TRIM63: variants seen among roughly 807,000 people sequenced by gnomAD.
The protein encoded by TRIM63 is tripartite motif containing 63.
A neutral mutation model predicts 46.0 loss-of-function variants in TRIM63; 48 were observed. The observed-to-expected ratio is 1.04, with a 90% CI of 0.83 to 1.33. The LOEUF is 1.33. Ranked by LOEUF, TRIM63 falls within the 40% of genes most tolerant of loss-of-function variation. TRIM63 has a pLI of 0.00. For missense variants in TRIM63, 455 were observed against 441.2 expected (o/e 1.03, Z -0.28); for synonymous variants, 175 against 162.8 (o/e 1.08, Z -0.57).
In TRIM63 at chr1:26,067,326, C is replaced by A. The variant is rs200277313; in HGVS notation, c.159+10G>T. The A allele has an allele frequency of 1.4e-5, 22 of 1,613,112 alleles. No homozygotes were observed. The highest frequency in any genetic ancestry group is 1.8e-5 in the Non-Finnish European group (21 of 1,179,894). ...TGGGGACCCCAAATGAAGCTGCACC[C>A]GGCACTTACCTGGAAGATGTCATTG... is the stretch of plus-strand genomic sequence containing the variant. On this transcript the variant is annotated intron_variant, in intron 1 of 8. Coordinates refer to ENST00000374272, the MANE Select transcript of TRIM63 (RefSeq NM_032588.4).
At chr1:26,060,648 C>CA (rs377704514) in intron 3 of TRIM63, among the ~76,000 whole-genome samples, 6 of 151,804 alleles carry the variant, frequency 4.0e-5, no homozygotes, top group African/African-American at 9.7e-5. Context: ...AAAGAAGGGA[C>CA]AAAAAAAGAA....
In TRIM63 at chr1:26,067,389, T is replaced by C. The variant is rs1440802609; in HGVS notation, c.106A>G (p.Ile36Val). ...CACAGGTTGTGCTGGCACGGCAAGATGACCACTGGCTTGGTAAACATCTCC... is the reference window on the plus strand; with the variant it reads ...CACAGGTTGTGCTGGCACGGCAAGACGACCACTGGCTTGGTAAACATCTCC... The part of the protein sequence containing the change: ...CLEMFTKPVV[I>V]LPCQHNLCRK... The change falls in exon 1 of 9, where the codon ATC (isoleucine) becomes GTC (valine). Residue 36 changes from isoleucine (I) to valine (V), a missense_variant. By Grantham distance (29) the Ile-to-Val change is conservative (BLOSUM62 3). Coordinates refer to ENST00000374272, the MANE Select transcript of TRIM63 (RefSeq NM_032588.4). 6.2e-7 allele frequency: 1 copy of C among 1,614,200 alleles called. No individual in the cohort carries two copies.
intron 8 of TRIM63, among the ~76,000 whole-genome samples, chr1:26,052,543 C>A (rs1209597754): frequency 6.6e-6 from 1 of 152,146 alleles, no homozygotes; most frequent in African/African-American, 2.4e-5. Flanking sequence ...CGGCTCACTG[C>A]AAGCTCCGCC....
intron 8 of TRIM63, 68 bp downstream of exon 8, chr1:26,053,825 A>G: frequency 8.3e-7 from 1 of 1,200,840 alleles, no homozygotes; most frequent in Non-Finnish European, 1.2e-6. Context: ...CTTCACATAC[A>G]GTAGGCACCT....
At position 26,053,943 on chromosome 1, in the gene TRIM63, A is replaced by G; in HGVS notation, c.1001T>C (p.Ile334Thr). ...FGTDEEEEEF[I>T]EEEDQEEEES... ...TTCCTCTTCCTGATCTTCTTCTTCA[A>G]TGAATTCTTCCTCTTCCTCATCTGT... The change falls in exon 8 of 9, where the codon ATT becomes ACT. Residue 334 changes from isoleucine to threonine, a missense_variant. Ile to Thr is a moderately conservative substitution (Grantham distance 89, BLOSUM62 -1). Coordinates refer to ENST00000374272, the MANE Select transcript of TRIM63 (RefSeq NM_032588.4). 6.3e-7 allele frequency: 1 copy of G among 1,591,764 alleles called. No individual in the cohort carries two copies. Among genetic ancestry groups the G allele is most frequent in the African/African-American group, 1.4e-5 (1 of 73,336 alleles).
At chr1:26,066,624 A>G (rs376495274) in intron 1 of TRIM63, among the ~76,000 whole-genome samples, 184 bp from the exon 2 acceptor site, 54 of 152,310 alleles carry the variant, frequency 3.5e-4, no homozygotes, top group African/African-American at 1.2e-3. Context: ...CAGCTAAGCA[A>G]TCGTCAGGAT....
chr1:26,065,896 C>T (rs1199979292), intron 2 of TRIM63, among the ~76,000 whole-genome samples: 2 of 152,212 alleles, frequency 1.3e-5, no homozygotes, highest in Non-Finnish European at 2.9e-5. Flanking sequence ...TCATGGCACA[C>T]GGGAGAGTAG....
rs2050522737 is a variant in TRIM63, at chr1:26,051,537, C to T, written c.*336G>A. 1 of 203,144 alleles carries T rather than the reference C, an allele frequency of 4.9e-6. No homozygotes were observed. The highest frequency in any genetic ancestry group is 9.9e-6 in the Non-Finnish European group (1 of 101,240). 12.6% of individuals were successfully genotyped at this position (203,144 alleles called of 1,614,324 possible). A position where few individuals can be genotyped will look rare whatever the true frequency, so the allele number is the denominator to read the frequency against. ...GACCAGGCATTATTATACAAAAGTT[C>T]CTTTACAAAAAGCACCAAATTGGCA... On this transcript the variant is annotated 3_prime_UTR_variant, in exon 9 of 9. Transcript: ENST00000374272.
intron 2 of TRIM63, among the ~76,000 whole-genome samples, chr1:26,062,336 A>G (rs999364871): frequency 4.6e-5 from 7 of 152,200 alleles, no homozygotes; most frequent in African/African-American, 1.4e-4. Context: ...AATCAATAAT[A>G]TTCACCATCT....
At position 26,061,310 on chromosome 1, in the gene TRIM63, G is replaced by T. The variant is rs778230726; in HGVS notation, c.357C>A (p.His119Gln). ...CATCTTCGTGCTCCTTGCACATGGGGTGACTGCCCTTCTGCAGCGGCCGAC... is the reference window on the plus strand; with the variant it reads ...CATCTTCGTGCTCCTTGCACATGGGTTGACTGCCCTTCTGCAGCGGCCGAC... The part of the protein sequence containing the change: ...CSSRPLQKGS[H>Q]PMCKEHEDEK... The change falls in exon 3 of 9, where the codon CAC becomes CAA. Residue 119 changes from histidine to glutamine, a missense_variant. Coordinates refer to ENST00000374272, the MANE Select transcript of TRIM63 (RefSeq NM_032588.4). The T allele has an allele frequency of 6.8e-6, 11 of 1,614,044 alleles. No individual in the cohort carries two copies. In the East Asian group the frequency reaches 1.3e-4, roughly 20 times the overall value.
rs145057954 is a variant in TRIM63 at position 26,060,277 on chromosome 1, G to C, written c.586C>G (p.Arg196Gly). Residue 196 changes from arginine (R) to glycine (G), a missense_variant, in exon 4 of 9, where the codon CGA (arginine) becomes GGA (glycine). Transcript: ENST00000374272. Reference sequence around the variant, plus strand: ...TTCTGTCCGCTCACCTTGGTCACTCGACGGGAATCCTCCAGCTGAGTGATG... The same window carrying C: ...TTCTGTCCGCTCACCTTGGTCACTCCACGGGAATCCTCCAGCTGAGTGATG... The part of the protein sequence containing the change: ...TIITQLEDSR[R>G]VTKENSHQVK... 4 of 1,613,576 alleles carry C rather than the reference G, an allele frequency of 2.5e-6. No individual in the cohort carries two copies. Among genetic ancestry groups the C allele is most frequent in the African/African-American group, 1.3e-5 (1 of 74,898 alleles).
chr1:26,066,991 C>T (rs978413328), intron 1 of TRIM63, among the ~76,000 whole-genome samples: 3 of 152,128 alleles, frequency 2.0e-5, no homozygotes, highest in African/African-American at 7.2e-5. Context: ...GCCACCAGGA[C>T]CTGGCTCCAG....
rs967677660 is a variant in TRIM63, at chr1:26,067,624, G to A, written c.-130C>T. On this transcript the variant is annotated 5_prime_UTR_variant, in exon 1 of 9. Coordinates refer to ENST00000374272, the MANE Select transcript of TRIM63 (RefSeq NM_032588.4). ...TGTTGGCTTCCTTCTCCTGGTGCCC[G>A]AATTCTGTCTTGGTCTGAGGCCCCT... is the stretch of plus-strand genomic sequence containing the variant. The A allele has an allele frequency of 1.2e-5, 12 of 1,019,762 alleles. No individual in the cohort carries two copies. The highest frequency in any genetic ancestry group is 3.3e-5 in the South Asian group (2 of 60,972). The allele number at this position is 1,019,762 out of a possible 1,614,324, so 63.2% of individuals were successfully genotyped here. A position where few individuals can be genotyped will look rare whatever the true frequency, so the allele number is the denominator to read the frequency against.
chr1:26,058,395 G>A lies in TRIM63; in HGVS notation c.826C>T (p.Leu276Phe). 5 of 1,613,916 alleles carry A rather than the reference G, an allele frequency of 3.1e-6. No individual in the cohort carries two copies. The highest frequency in any genetic ancestry group is 4.2e-6 in the Non-Finnish European group (5 of 1,179,934). The part of the protein sequence containing the change: ...SLDEPGGATF[L>F]LTAKQLIKSI... The stretch of plus-strand genomic sequence containing the variant: ...ACCCTTCTAGTCCTGCTCACCAAGA[G>A]GAAGGTGGCTCCCCCAGGCTCGTCC... Residue 276 changes from leucine (L) to phenylalanine (F), a missense_variant, in exon 5 of 9, where the codon CTC becomes TTC. Transcript: ENST00000374272.
chr1:26,065,903 G>A (rs1194181958), intron 2 of TRIM63, among the ~76,000 whole-genome samples: 1 of 152,236 alleles, frequency 6.6e-6, no homozygotes, highest in Non-Finnish European at 1.5e-5. Context: ...ACACGGGAGA[G>A]TAGCTGTTGC....
At chr1:26,061,085 C>T in intron 3 of TRIM63, 81 bp downstream of exon 3, 1 of 1,469,608 alleles carries the variant, frequency 6.8e-7, no homozygotes, top group African/African-American at 1.4e-5. Context: ...AGCAGATCTA[C>T]AGGGATCAAA....
intron 6 of TRIM63, 74 bp downstream of exon 6, chr1:26,057,553 CA>C (rs1377365651): frequency 6.5e-7 from 1 of 1,535,316 alleles, no homozygotes; most frequent in Non-Finnish European, 8.8e-7. Context: ...GCCTAATGCC[CA>C]GGATGAGGCT....
At chr1:26,051,970 CAGGA>C in intron 8 of TRIM63, 87 bp from the exon 9 acceptor site, 4 of 1,175,908 alleles carry the variant, frequency 3.4e-6, no homozygotes, top group Non-Finnish European at 4.4e-6. Context: ...TTTATTCAAA[CAGGA>C]GTTTGAATAA....
At chr1:26,060,142 C>G in intron 4 of TRIM63, 124 bp downstream of exon 4, 1 of 703,916 alleles carries the variant, frequency 1.4e-6, no homozygotes. Context: ...CCTGCCATCC[C>G]TGCTTGACCG....
Sources: allele counts gnomAD v4.1 joint callset (sites outside exome capture counted in the v4.1 genomes callset), GRCh38; gene constraint gnomAD v4.1.1; transcripts MANE v1.5; gene names NCBI Gene and HGNC (gene_info 2026-07-23, HGNC 2026-07-21).